The following CCDC73 variants were observed in gnomAD, a reference collection of about 807,000 sequenced individuals.
CCDC73 encodes coiled-coil domain-containing protein 73.
A neutral mutation model predicts 116.5 loss-of-function variants in CCDC73; 95 were observed. The ratio of observed to expected loss-of-function variants is 0.82; its 90% CI spans 0.69 to 0.97. The LOEUF is 0.97. Ranked by LOEUF, CCDC73 falls within the 50% of genes least tolerant of loss-of-function variation. The probability of loss-of-function intolerance (pLI) is 0.00; values close to 1 mark genes in which losing one functional copy is unlikely to be tolerated. For synonymous variants in CCDC73, 398 were observed against 401.3 expected, an observed-to-expected ratio of 0.99 and a Z score of 0.10; for missense variants, 1,066 against 1,206.8, an observed-to-expected ratio of 0.88 and a Z score of 1.73.
chr11:32,794,751 A>C (rs976919354), upstream of CCDC73: 1 of 152,072 alleles, frequency 6.6e-6, no homozygotes, highest in Middle Eastern at 3.2e-3. Context: ...GATTGATTTT[A>C]TTTTCTTTTT....
chr11:32,616,401 T>C (rs769402233), intron 14 of CCDC73, among the ~76,000 whole-genome samples: 7 of 152,182 alleles, frequency 4.6e-5, no homozygotes, highest in Non-Finnish European at 8.8e-5. Context: ...AATACCACAT[T>C]ATATGTAATA....
chr11:32,625,014 A>G (rs1248468266), intron 14 of CCDC73, among the ~76,000 whole-genome samples: 2 of 152,198 alleles, frequency 1.3e-5, no homozygotes, highest in Non-Finnish European at 2.9e-5. Flanking sequence ...TGTTGAATTG[A>G]TCCCTTTACC....
At chr11:32,814,449 C>A in the CCDC73 span, among the ~76,000 whole-genome samples, 2 of 152,118 alleles carry the variant, frequency 1.3e-5, no homozygotes. Flanking sequence ...AGGTTTCAAC[C>A]AGCAAGTGAG....
At chr11:32,815,339 T>C in the CCDC73 span, among the ~76,000 whole-genome samples, 1,780 of 132,614 alleles carry the variant, frequency 0.013, 31 homozygotes, top group African/African-American at 0.056. Context: ...TTATTTTTGC[T>C]TTTTTTTTTT....
chr11:32,801,768 A>G, the CCDC73 span, among the ~76,000 whole-genome samples: 1 of 152,200 alleles, frequency 6.6e-6, no homozygotes, highest in Non-Finnish European at 1.5e-5. Flanking sequence ...GCAGATGTCA[A>G]GTTTAATGTA....
At chr11:32,684,774 G>A (rs1239076691) in intron 6 of CCDC73, among the ~76,000 whole-genome samples, 2 of 152,102 alleles carry the variant, frequency 1.3e-5, no homozygotes, top group Admixed American at 6.5e-5. Flanking sequence ...CTTGAGTCCA[G>A]GAGTTCAAAA....
the CCDC73 span, among the ~76,000 whole-genome samples, chr11:32,825,188 G>T: frequency 4.0e-5 from 6 of 151,830 alleles, no homozygotes; most frequent in African/African-American, 7.3e-5. Context: ...ACCAAAGGAG[G>T]ATAAACAGAT....
chr11:32,744,618 T>A lies in CCDC73; in HGVS notation c.135+15491A>T, dbSNP rs1440855324. ...ATTGGTCTATTCAGAGATCAACTTC[T>A]TCCTGGTTTAGTCTTGGAAGGGTGT... On this transcript the variant is annotated intron_variant, in intron 2 of 17. Coordinates refer to ENST00000335185, the MANE Select transcript of CCDC73 (RefSeq NM_001008391.4). 2.0e-5 allele frequency among the ~76,000 whole-genome samples: 3 copies of A among 152,204 alleles called. No individual in the cohort carries two copies. The East Asian group carries it at 5.8e-4, about 29-fold the overall frequency.
intron 9 of CCDC73, among the ~76,000 whole-genome samples, chr11:32,674,657 GCCTA>G (rs746884381): frequency 0.58 from 87,810 of 151,466 alleles, 25,738 homozygotes; most frequent in East Asian, 0.84. Context: ...GCTTTTCTCA[GCCTA>G]TTGTAGGCTG....
chr11:32,702,863 A>T lies in CCDC73; in HGVS notation c.279+10T>A. 1 of 1,582,820 alleles carries T rather than the reference A, an allele frequency of 6.3e-7. No individual in the cohort carries two copies. The highest frequency in any genetic ancestry group is 2.2e-5 in the East Asian group (1 of 44,692). Reference sequence around the variant, plus strand: ...AAAATGGTAGTGTTTGTCTATCCTTATGAAATTACCTGCTTTTTAAAAACT... The same window carrying T: ...AAAATGGTAGTGTTTGTCTATCCTTTTGAAATTACCTGCTTTTTAAAAACT... On this transcript the variant is annotated intron_variant, in intron 4 of 17. Coordinates refer to ENST00000335185, the MANE Select transcript of CCDC73 (RefSeq NM_001008391.4).
In CCDC73 at chr11:32,616,089, G is replaced by C. The variant is rs142525990; in HGVS notation, c.1226C>G (p.Thr409Ser). 3.4e-3 allele frequency: 5,337 copies of C among 1,582,850 alleles called. 15 individuals carry two copies. The highest frequency in any genetic ancestry group is 3.9e-3 in the Non-Finnish European group (4,551 of 1,169,322). Residue 409 changes from threonine to serine, a missense_variant, in exon 15 of 18, where the codon ACT becomes AGT. Thr to Ser is a moderately conservative substitution (Grantham distance 58). Transcript: ENST00000335185. Reference sequence around the variant, plus strand: ...TATAATGGTGTTTTCTGATTTTTCAGTTGACATTTCACTGTTTTCATTATT... The same window carrying C: ...TATAATGGTGTTTTCTGATTTTTCACTTGACATTTCACTGTTTTCATTATT... Reference protein sequence around the residue: ...EVNNENSEMSTEKSENTIIQK... With the variant: ...EVNNENSEMSSEKSENTIIQK...
chr11:32,610,085 G>A (rs908519627), intron 17 of CCDC73, among the ~76,000 whole-genome samples: 8 of 151,996 alleles, frequency 5.3e-5, no homozygotes, highest in South Asian at 2.1e-4. Flanking sequence ...CACTGCACCC[G>A]GCCGGCAAAA....
At chr11:32,635,663 T>TA in intron 14 of CCDC73, 33 bp downstream of exon 14, 3 of 1,251,614 alleles carry the variant, frequency 2.4e-6, no homozygotes, top group Non-Finnish European at 3.1e-6. Context: ...ATTTCTTTGA[T>TA]AGTTTGTACC....
intron 17 of CCDC73, among the ~76,000 whole-genome samples, chr11:32,607,592 C>T (rs1430349599): frequency 2.0e-5 from 3 of 152,130 alleles, no homozygotes; most frequent in Non-Finnish European, 2.9e-5. Context: ...TTGATGCCCT[C>T]AAGCTTCATG....
intron 2 of CCDC73, among the ~76,000 whole-genome samples, chr11:32,730,569 C>CT (rs1162680593): frequency 1.3e-5 from 2 of 152,164 alleles, no homozygotes. Flanking sequence ...TATAATTAAT[C>CT]TTTTCCACTT....
In CCDC73 at chr11:32,752,570, A is replaced by AAATAATCAATCT. The variant is rs1179825867; in HGVS notation, c.135+7538_135+7539insAGATTGATTATT. Among the ~76,000 whole-genome samples, 5 of 152,362 alleles carry AAATAATCAATCT rather than the reference A, an allele frequency of 3.3e-5. No homozygotes were observed. In the East Asian group the frequency reaches 9.6e-4, roughly 29 times the overall value. ...TCCTGAAAACTCCAGCCAATGCTGG[A>AAATAATCAATCT]AATCATCAATCTAAGTATGTTTCCA... On this transcript the variant is annotated intron_variant, in intron 2 of 17. Transcript: ENST00000335185.
At chr11:32,612,157 C>G (rs543867702) in intron 16 of CCDC73, among the ~76,000 whole-genome samples, 1 of 152,092 alleles carries the variant, frequency 6.6e-6, no homozygotes, top group East Asian at 1.9e-4. Flanking sequence ...TAAAAGAAGC[C>G]TGTTAAATCT....
intron 2 of CCDC73, among the ~76,000 whole-genome samples, chr11:32,724,696 A>T (rs1331536515): frequency 6.6e-6 from 1 of 152,132 alleles, no homozygotes; most frequent in Non-Finnish European, 1.5e-5. Context: ...AATTACTTGG[A>T]GCTGAATGGC....
At chr11:32,787,004 TG>T (rs555929004) in intron 1 of CCDC73, among the ~76,000 whole-genome samples, 66 of 152,278 alleles carry the variant, frequency 4.3e-4, no homozygotes, top group African/African-American at 1.4e-3. Context: ...TGTAAGATTT[TG>T]CCAGTATCAC....
Sources: gnomAD v4.1 joint callset for allele counts (sites outside exome capture counted in the v4.1 genomes callset) on GRCh38, gnomAD v4.1.1 for gene constraint, MANE v1.5 for transcripts, NCBI Gene and HGNC (gene_info 2026-07-23, HGNC 2026-07-21) for gene names.